KLHL29: variants seen among roughly 807,000 people sequenced by gnomAD.
The protein encoded by KLHL29 is kelch like family member 29.
Under a neutral mutation model 80.4 loss-of-function variants are expected in KLHL29, and 21 were observed. That is an observed-to-expected ratio of 0.26 (90% CI 0.19 to 0.38). KLHL29 has a LOEUF of 0.38. Among genes scored for constraint, KLHL29 ranks in the 10% least tolerant of loss-of-function variants. KLHL29 has a pLI of 1.00. For synonymous variants in KLHL29, 511 were observed against 526.8 expected, an observed-to-expected ratio of 0.97 and a Z score of 0.41; for missense variants, 867 against 1,223.9, an observed-to-expected ratio of 0.71 and a Z score of 4.35.
chr2:23,662,885 C>T (rs992549366), intron 5 of KLHL29, among the ~76,000 whole-genome samples: 1 of 152,178 alleles, frequency 6.6e-6, no homozygotes, highest in South Asian at 2.1e-4. Flanking sequence ...GGTTGAAAGC[C>T]GTAAATGCAA....
At chr2:23,608,811 GT>G (rs943566005) in intron 3 of KLHL29, among the ~76,000 whole-genome samples, 10 of 152,074 alleles carry the variant, frequency 6.6e-5, no homozygotes, top group Admixed American at 6.5e-5. Context: ...TCACACAATT[GT>G]TTTTTTCTAC....
At chr2:23,399,805 T>C (rs1046231261) in intron 1 of KLHL29, among the ~76,000 whole-genome samples, 1 of 152,242 alleles carries the variant, frequency 6.6e-6, no homozygotes, top group East Asian at 1.9e-4. Flanking sequence ...TCGATGTTCT[T>C]GTAGACAGAA....
intron 8 of KLHL29, among the ~76,000 whole-genome samples, chr2:23,693,930 C>T (rs538793996): frequency 6.6e-6 from 1 of 152,306 alleles, no homozygotes; most frequent in Admixed American, 6.5e-5. Flanking sequence ...CCTGAGGGGA[C>T]TGTGTTGGGT....
intron 1 of KLHL29, among the ~76,000 whole-genome samples, chr2:23,416,843 C>T (rs1572495289): frequency 6.6e-6 from 1 of 152,152 alleles, no homozygotes; most frequent in Admixed American, 6.5e-5. Flanking sequence ...AACAATGGTT[C>T]CCAAATCCGT....
intron 5 of KLHL29, among the ~76,000 whole-genome samples, chr2:23,658,336 C>T (rs1244537687): frequency 6.6e-6 from 1 of 152,156 alleles, no homozygotes; most frequent in Non-Finnish European, 1.5e-5. Flanking sequence ...AAGATGCCCC[C>T]GTCAGCACAG....
At chr2:23,507,410 G>A (rs986047354) in intron 2 of KLHL29, among the ~76,000 whole-genome samples, 7 of 152,012 alleles carry the variant, frequency 4.6e-5, no homozygotes, top group African/African-American at 1.2e-4. Flanking sequence ...TGCCAGCCCC[G>A]TCCCGGAGCA....
chr2:23,417,462 A>G (rs972612024), intron 1 of KLHL29, among the ~76,000 whole-genome samples: 2 of 152,204 alleles, frequency 1.3e-5, no homozygotes, highest in African/African-American at 2.4e-5. Context: ...CCAAACTTAC[A>G]TACGTCGAAC....
chr2:23,531,206 T>C (rs1042518181), intron 2 of KLHL29, among the ~76,000 whole-genome samples: 16 of 152,238 alleles, frequency 1.1e-4, no homozygotes, highest in Non-Finnish European at 1.9e-4. Context: ...CGAAAGTCAT[T>C]GCCACGTGGT....
rs150939822 is a variant in KLHL29 at position 23,687,830 on chromosome 2, C to T, written c.1079+3293C>T. ...GTATGAGGGTGGCTTGCAGGGGACG[C>T]GGCTGGAGGGAGGCTAGACCTGGGT... On this transcript the variant is annotated intron_variant, in intron 6 of 13. Transcript: ENST00000486442. 2.3e-3 allele frequency among the ~76,000 whole-genome samples: 344 copies of T among 152,206 alleles called. 1 individual carries two copies. Among genetic ancestry groups the T allele is most frequent in the Middle Eastern group, 6.8e-3 (2 of 294 alleles).
At chr2:23,563,680 T>C (rs917349113) in intron 3 of KLHL29, among the ~76,000 whole-genome samples, 1 of 152,208 alleles carries the variant, frequency 6.6e-6, no homozygotes, top group Admixed American at 6.5e-5. Flanking sequence ...CAAAACTCCC[T>C]TTCAGCCCTG....
intron 2 of KLHL29, among the ~76,000 whole-genome samples, chr2:23,560,225 A>G (rs1315285030): frequency 6.8e-6 from 1 of 147,010 alleles, no homozygotes; most frequent in Non-Finnish European, 1.5e-5. Context: ...TCAAAAGGGA[A>G]TGGATTTTTA....
chr2:23,649,489 G>A (rs10174898), intron 5 of KLHL29, among the ~76,000 whole-genome samples: 13,809 of 152,214 alleles, frequency 0.091, 718 homozygotes, highest in East Asian at 0.15. Context: ...GAAAGATGCC[G>A]CAGAGGCCGC....
intron 1 of KLHL29, among the ~76,000 whole-genome samples, chr2:23,464,122 A>G (rs1263249642): frequency 6.6e-6 from 1 of 152,206 alleles, no homozygotes; most frequent in Non-Finnish European, 1.5e-5. Context: ...AATGATTATA[A>G]TATTATTCAG....
intron 1 of KLHL29, among the ~76,000 whole-genome samples, chr2:23,465,103 A>G (rs1242281609): frequency 6.6e-6 from 1 of 152,192 alleles, no homozygotes; most frequent in African/African-American, 2.4e-5. Context: ...CATTACGAAC[A>G]CATTTGACAC....
chr2:23,557,605 C>T (rs369315485), intron 2 of KLHL29, among the ~76,000 whole-genome samples: 6 of 152,010 alleles, frequency 3.9e-5, no homozygotes, highest in Admixed American at 2.0e-4. Context: ...CTGTAAGGCG[C>T]GGGCATGGCA....
chr2:23,470,108 A>G (rs1664459565), intron 1 of KLHL29, among the ~76,000 whole-genome samples: 1 of 151,966 alleles, frequency 6.6e-6, no homozygotes, highest in African/African-American at 2.4e-5. Flanking sequence ...ATGTCATGGC[A>G]TAACTTAGGA....
chr2:23,599,047 G>A (rs965549202), intron 3 of KLHL29, among the ~76,000 whole-genome samples: 1 of 152,246 alleles, frequency 6.6e-6, no homozygotes, highest in African/African-American at 2.4e-5. Flanking sequence ...TCCTATTTAA[G>A]GAGTATTTTT....
Position 23,699,311 on chromosome 2 carries a change from G to T in KLHL29, c.2105+2798G>T, listed in dbSNP as rs568379940. Among the ~76,000 whole-genome samples, 14 of 152,318 alleles carry T rather than the reference G, an allele frequency of 9.2e-5. No homozygotes were observed. The South Asian group carries it at 2.9e-3, about 32-fold the overall frequency. On this transcript the variant is annotated intron_variant, in intron 11 of 13. Coordinates refer to ENST00000486442, the MANE Select transcript of KLHL29 (RefSeq NM_052920.2). The stretch of plus-strand genomic sequence containing the variant: ...GCTGGGGACAGACCCAACCCTGGTG[G>T]CACAGCATGCCATGCCCAGGCCTCG...
At chr2:23,414,046 G>A (rs1444476133) in intron 1 of KLHL29, among the ~76,000 whole-genome samples, 5 of 152,230 alleles carry the variant, frequency 3.3e-5, no homozygotes, top group Non-Finnish European at 1.5e-5. Flanking sequence ...TCCCCAGATG[G>A]AGTCCATTCC....
Sources: allele counts gnomAD v4.1 joint callset (sites outside exome capture counted in the v4.1 genomes callset), GRCh38; gene constraint gnomAD v4.1.1; transcripts MANE v1.5; gene names NCBI Gene and HGNC (gene_info 2026-07-23, HGNC 2026-07-21).